Variants in STON2 observed in about 807,000 individuals in gnomAD.
The protein encoded by STON2 is stonin 2, also known as stonin-2.
Under a neutral mutation model 65.7 loss-of-function variants are expected in STON2, and 29 were observed. That is an observed-to-expected ratio of 0.44 (90% CI 0.33 to 0.60). STON2 has a LOEUF of 0.60. Among genes scored for constraint, STON2 ranks in the 20% least tolerant of loss-of-function variants. The pLI is 0.03. For synonymous variants in STON2, 404 were observed against 414.2 expected (o/e 0.98, Z 0.30); for missense variants, 1,054 against 1,118.1 (o/e 0.94, Z 0.82).
chr14:81,350,915 C>T (rs1301793261), intron 4 of STON2, among the ~76,000 whole-genome samples: 1 of 152,118 alleles, frequency 6.6e-6, no homozygotes, highest in Non-Finnish European at 1.5e-5. Flanking sequence ...CTTTCTGAAG[C>T]CCTGACTTTG....
At chr14:81,348,075 C>T (rs1897887346) in intron 4 of STON2, among the ~76,000 whole-genome samples, 1 of 151,938 alleles carries the variant, frequency 6.6e-6, no homozygotes, top group Admixed American at 6.6e-5. Context: ...TTCAACATTC[C>T]TTTATGTTAA....
chr14:81,289,461 G>T (rs1420884308), intron 5 of STON2, among the ~76,000 whole-genome samples: 2 of 152,164 alleles, frequency 1.3e-5, no homozygotes, highest in East Asian at 3.9e-4. Flanking sequence ...CTTCTGAAAG[G>T]TCGGAAGGTT....
At chr14:81,351,773 G>T (rs1898034336) in intron 4 of STON2, among the ~76,000 whole-genome samples, 1 of 152,112 alleles carries the variant, frequency 6.6e-6, no homozygotes, top group African/African-American at 2.4e-5. Flanking sequence ...ATACTGCCCT[G>T]ACCTCTAGCT....
intron 2 of STON2, among the ~76,000 whole-genome samples, chr14:81,408,131 TGAA>T (rs1267179977): frequency 7.3e-6 from 1 of 137,034 alleles, no homozygotes; most frequent in East Asian, 2.2e-4. Flanking sequence ...CAGAGTTCAC[TGAA>T]GAACACACAC....
In STON2 at chr14:81,385,662, G is replaced by T. The variant is rs142834986; in HGVS notation, c.373+10232C>A. 2.4e-4 allele frequency among the ~76,000 whole-genome samples: 36 copies of T among 152,228 alleles called. No homozygotes were observed. The East Asian group carries it at 7.0e-3, about 29-fold the overall frequency. ...TAACAGCTCATTAGCCCCACAAATG[G>T]GAGTCAGTCACTTAGTCATTCTGCA... On this transcript the variant is annotated intron_variant, in intron 3 of 7. Transcript: ENST00000614646.
At chr14:81,361,850 T>G (rs1898507080) in intron 4 of STON2, among the ~76,000 whole-genome samples, 1 of 152,044 alleles carries the variant, frequency 6.6e-6, no homozygotes, top group Admixed American at 6.6e-5. Context: ...ATGACATTTC[T>G]CAAAAGAAGA....
At chr14:81,297,353 A>G (rs886438376) in intron 5 of STON2, among the ~76,000 whole-genome samples, 2 of 152,210 alleles carry the variant, frequency 1.3e-5, no homozygotes, top group African/African-American at 2.4e-5. Context: ...AAAGTTACAA[A>G]GCTAGTAAGA....
At chr14:81,344,147 C>A (rs2140299647) in intron 4 of STON2, among the ~76,000 whole-genome samples, 1 of 152,186 alleles carries the variant, frequency 6.6e-6, no homozygotes, top group South Asian at 2.1e-4. Context: ...CTAAACACAT[C>A]TATCATAAAA....
At chr14:81,427,580 C>A (rs1434760491) in intron 1 of STON2, among the ~76,000 whole-genome samples, 1 of 152,078 alleles carries the variant, frequency 6.6e-6, no homozygotes, top group Non-Finnish European at 1.5e-5. Context: ...GTGTTGCAGA[C>A]AGCACAGCCC....
chr14:81,427,166 C>G (rs1253399722), exon 2 of STON2: 1 of 152,194 alleles, frequency 6.6e-6, no homozygotes, highest in African/African-American at 2.4e-5. Flanking sequence ...ACCACTTCGC[C>G]CTGCTCCATC....
chr14:81,434,868 T>C (rs1211273902), intron 1 of STON2, among the ~76,000 whole-genome samples: 1 of 152,158 alleles, frequency 6.6e-6, no homozygotes, highest in Non-Finnish European at 1.5e-5. Flanking sequence ...AGGTCAGGCA[T>C]AGGAAAAAAA....
intron 5 of STON2, among the ~76,000 whole-genome samples, chr14:81,282,624 C>A (rs1400566846): frequency 6.6e-6 from 1 of 152,156 alleles, no homozygotes; most frequent in African/African-American, 2.4e-5. Context: ...ACAAATCTCT[C>A]ATGGGATAAG....
chr14:81,310,059 G>T (rs10149489), intron 5 of STON2, among the ~76,000 whole-genome samples: 2 of 151,970 alleles, frequency 1.3e-5, no homozygotes, highest in African/African-American at 4.8e-5. Flanking sequence ...TAAAGTGAGG[G>T]GGCTGGATTA....
chr14:81,277,400 T>C lies in STON2; in HGVS notation c.2082A>G (p.Thr694=), dbSNP rs748753308. ...GGCACTCATGGAGCTTGATCCACTTTGTGGTGGTGGTGGGCATGATGTCCT... is the reference window on the plus strand; with the variant it reads ...GGCACTCATGGAGCTTGATCCACTTCGTGGTGGTGGTGGGCATGATGTCCT... The part of the protein sequence containing the change: ...LRQDIMPTTT[T]KWIKLHECRF... The change falls in exon 6 of 8, where the codon ACA becomes ACG. Residue 694 remains threonine (T), a synonymous_variant. Transcript: ENST00000614646. 1 of 1,614,080 alleles carries C rather than the reference T, an allele frequency of 6.2e-7. No individual in the cohort carries two copies. The highest frequency in any genetic ancestry group is 1.7e-5 in the Admixed American group (1 of 60,020).
At chr14:81,374,678 T>C (rs1002270731) in intron 3 of STON2, among the ~76,000 whole-genome samples, 4 of 151,934 alleles carry the variant, frequency 2.6e-5, no homozygotes, top group African/African-American at 4.8e-5. Context: ...AAATACAAAA[T>C]TGAATGGATA....
intron 4 of STON2, among the ~76,000 whole-genome samples, chr14:81,340,667 T>C (rs1012921208): frequency 3.9e-5 from 6 of 152,112 alleles, no homozygotes; most frequent in African/African-American, 1.4e-4. Flanking sequence ...ACCCACCACC[T>C]AGATGACTCT....
intron 3 of STON2, among the ~76,000 whole-genome samples, chr14:81,375,684 G>A (rs1411495474): frequency 1.3e-5 from 2 of 151,700 alleles, no homozygotes; most frequent in Non-Finnish European, 2.9e-5. Flanking sequence ...AAATGACCAC[G>A]CTGATCTAAT....
chr14:81,409,062 T>C (rs181366998), intron 2 of STON2, among the ~76,000 whole-genome samples: 4 of 152,312 alleles, frequency 2.6e-5, no homozygotes, highest in Non-Finnish European at 5.9e-5. Context: ...TTTAGAGCCA[T>C]ATATAAATTA....
chr14:81,398,818 A>G (rs1595443704), intron 1 of STON2, among the ~76,000 whole-genome samples: 1 of 152,364 alleles, frequency 6.6e-6, no homozygotes, highest in East Asian at 1.9e-4. Context: ...CACAAATTTC[A>G]GCAATTAGAT....
Sources: allele counts gnomAD v4.1 joint callset (sites outside exome capture counted in the v4.1 genomes callset), GRCh38; gene constraint gnomAD v4.1.1; transcripts MANE v1.5; gene names NCBI Gene and HGNC (gene_info 2026-07-23, HGNC 2026-07-21).